PPL: variants seen among roughly 807,000 people sequenced by gnomAD.
The protein encoded by PPL is 190 kDa paraneoplastic pemphigus antigen.
PPL carries 198 observed loss-of-function variants against 194.4 expected under a neutral mutation model. The observed-to-expected ratio is 1.02, with a 90% CI of 0.91 to 1.15. PPL has a LOEUF of 1.15. Among genes scored for constraint, PPL ranks in the 50% most tolerant of loss-of-function variants. PPL has a pLI of 0.00. For synonymous variants in PPL, 1,220 were observed against 972.4 expected (o/e 1.25, Z -4.74); for missense variants, 2,885 against 2,294.8 (o/e 1.26, Z -5.25).
intron 15 of PPL, 39 bp downstream of exon 15, chr16:4,891,996 A>G (rs781313261): frequency 1.9e-6 from 3 of 1,610,248 alleles, no homozygotes; most frequent in African/African-American, 2.7e-5. Context: ...TGGCCCCCTG[A>G]CCCCACCCCA....
Position 4,883,838 on chromosome 16 carries a change from G to A in PPL, c.4817C>T (p.Thr1606Ile). Residue 1606 changes from threonine to isoleucine, a missense_variant, in exon 22 of 22, where the codon ACC (threonine) becomes ATC (isoleucine). Coordinates refer to ENST00000345988, the MANE Select transcript of PPL (RefSeq NM_002705.5). The surrounding 1 kb of genome is among the most constrained non-coding windows in gnomAD (Gnocchi z 4.8). ...GGACCACAGTCTGGAGTCATGGTTGGTCCCAGAGTCCGCCACGGTCATGTT... is the reference window on the plus strand; with the variant it reads ...GGACCACAGTCTGGAGTCATGGTTGATCCCAGAGTCCGCCACGGTCATGTT... ...LRNMTVADSG[T>I]NHDSRLWSLE... is the part of the protein sequence containing the mutation. 1 of 1,614,102 alleles carries A rather than the reference G, an allele frequency of 6.2e-7. No individual in the cohort carries two copies. The highest frequency in any genetic ancestry group is 2.2e-5 in the East Asian group (1 of 44,884).
chr16:4,914,112 CA>C (rs2088871692), intron 1 of PPL, among the ~76,000 whole-genome samples: 1 of 152,174 alleles, frequency 6.6e-6, no homozygotes, highest in Non-Finnish European at 1.5e-5. Context: ...TGTTCCTGTG[CA>C]GAAGGCTCCA....
chr16:4,894,387 A>G, intron 12 of PPL, 80 bp downstream of exon 12: 2 of 1,547,932 alleles, frequency 1.3e-6, no homozygotes, highest in South Asian at 2.4e-5. Flanking sequence ...CTGAGTCCAA[A>G]TCCCCGGGGC....
In PPL at chr16:4,887,238, G is replaced by A. The variant is rs1472621546; in HGVS notation, c.2515-11C>T. 2 of 1,603,802 alleles carry A rather than the reference G, an allele frequency of 1.2e-6. No homozygotes were observed. Among genetic ancestry groups the A allele is most frequent in the African/African-American group, 1.3e-5 (1 of 74,836 alleles). ...GGCAAGTGCTGCTTCCTGCAGAGAA[G>A]AGGATTAGGAGAGCGGTCAACAAAC... On this transcript the variant is annotated splice_polypyrimidine_tract_variant and intron_variant, in intron 20 of 21. Transcript: ENST00000345988.
At chr16:4,890,368 G>A (rs373006066) in intron 17 of PPL, 34 bp from the exon 18 acceptor site, 174 of 1,553,542 alleles carry the variant, frequency 1.1e-4, no homozygotes, top group Non-Finnish European at 1.5e-4. Context: ...CTCAGCCACA[G>A]CAAACAGATG....
chr16:4,883,464 T>G lies in PPL; in HGVS notation c.5191A>C (p.Thr1731Pro), dbSNP rs1177924388. The change falls in exon 22 of 22, where the codon ACC becomes CCC. Residue 1731 changes from threonine (T) to proline (P), a missense_variant. Thr to Pro is a conservative substitution (Grantham distance 38). Transcript: ENST00000345988. This position sits in a 1 kb window ranked among gnomAD's most constrained non-coding sequence, Gnocchi z 4.8. ...ACATAGCGGTCATACTGAGCAGGGG[T>G]CAGCCTGCCACTCTGCAGGGCCTCT... ...IEEALQSGRL[T>P]PAQYDRYVNK... The G allele has an allele frequency of 1.2e-6, 2 of 1,614,068 alleles. No homozygotes were observed. Among genetic ancestry groups the G allele is most frequent in the African/African-American group, 1.3e-5 (1 of 75,014 alleles).
At chr16:4,894,379 G>C in intron 12 of PPL, 88 bp downstream of exon 12, 5 of 1,523,726 alleles carry the variant, frequency 3.3e-6, no homozygotes, top group Non-Finnish European at 4.4e-6. Flanking sequence ...CCCACAGGCT[G>C]AGTCCAAATC....
Position 4,892,122 on chromosome 16 carries a change from C to CCA in PPL, c.1740_1741dup (p.Gly581ValfsTer7). The CCA allele has an allele frequency of 1.9e-6, 3 of 1,613,498 alleles. No individual in the cohort carries two copies. The highest frequency in any genetic ancestry group is 2.5e-6 in the Non-Finnish European group (3 of 1,179,734). On this transcript the variant is annotated frameshift_variant, in exon 15 of 22. Coordinates refer to ENST00000345988, the MANE Select transcript of PPL (RefSeq NM_002705.5). LOFTEE classifies it high-confidence loss of function. ...CCGGGTCCTCAGCAGGGGTGTGGTGCCACTGCCTGGGAGGGCCTGGATGAA... is the reference window on the plus strand; with the variant it reads ...CCGGGTCCTCAGCAGGGGTGTGGTGCCACACTGCCTGGGAGGGCCTGGATGAA...
chr16:4,908,600 T>C (rs761812140), intron 2 of PPL, among the ~76,000 whole-genome samples: 24 of 152,104 alleles, frequency 1.6e-4, no homozygotes, highest in Non-Finnish European at 2.6e-4. Flanking sequence ...TGCAGTGGTG[T>C]CATCTCTGCT....
rs776913352 is a variant in PPL, at chr16:4,883,673, A to T, written c.4982T>A (p.Ile1661Asn). The change falls in exon 22 of 22, where the codon ATC becomes AAC. Residue 1661 changes from isoleucine (I) to asparagine (N), a missense_variant. Physicochemically the swap from Ile to Asn is moderately radical, Grantham distance 149. Coordinates refer to ENST00000345988, the MANE Select transcript of PPL (RefSeq NM_002705.5). The surrounding 1 kb of genome is among the most constrained non-coding windows in gnomAD (Gnocchi z 4.8). The stretch of plus-strand genomic sequence containing the variant: ...CAGCTCGCGGCCTGTGTCAGGGTGG[A>T]TGACTACGATGGAGCGCCGCAGGTG... The part of the protein sequence containing the change: ...ENHLRRSIVV[I>N]HPDTGRELSP... 1 of 1,613,878 alleles carries T rather than the reference A, an allele frequency of 6.2e-7. No individual in the cohort carries two copies. Among genetic ancestry groups the T allele is most frequent in the African/African-American group, 1.3e-5 (1 of 74,872 alleles).
At chr16:4,899,462 G>GGCCCAACTATGGCTGGCCTGAGGACAA (rs2088506481) in intron 6 of PPL, 78 bp from the exon 7 acceptor site, 8 of 706,564 alleles carry the variant, frequency 1.1e-5, no homozygotes, top group Non-Finnish European at 1.3e-5. Context: ...CCTCCTGCAG[G>GGCCCAACTATGGCTGGCCTGAGGACAA]GCCCAGCTAT....
At chr16:4,910,757 T>G (rs1596568727) in intron 2 of PPL, 93 bp downstream of exon 2, 2 of 1,140,118 alleles carry the variant, frequency 1.8e-6, no homozygotes, top group East Asian at 2.4e-5. Context: ...CAATCACCCC[T>G]GGGTGAGAAT....
rs1461741414 is a variant in PPL at position 4,885,886 on chromosome 16, C to T, written c.2769G>A (p.Leu923=). The change falls in exon 22 of 22, where the codon TTG becomes TTA. Residue 923 remains leucine (L), a synonymous_variant. Transcript: ENST00000345988. The surrounding 1 kb of genome is among the most constrained non-coding windows in gnomAD (Gnocchi z 6.3). ...VKSTQEEIWT[L]RNQGPQESVV... ...CCGATTCCTGAGGCCCCTGATTCCT[C>T]AAGGTCCAGATTTCTTCCTGGGTGC... 2 of 1,609,918 alleles carry T rather than the reference C, an allele frequency of 1.2e-6. No individual in the cohort carries two copies. The highest frequency in any genetic ancestry group is 1.7e-5 in the Admixed American group (1 of 60,010).
intron 10 of PPL, 23 bp downstream of exon 10, chr16:4,895,571 A>C: frequency 6.2e-7 from 1 of 1,613,586 alleles, no homozygotes; most frequent in Admixed American, 1.7e-5. Flanking sequence ...CCGGGCCAGC[A>C]GGGGTCCTGG....
At chr16:4,909,688 A>C (rs1355943998) in intron 2 of PPL, among the ~76,000 whole-genome samples, 1 of 152,016 alleles carries the variant, frequency 6.6e-6, no homozygotes, top group East Asian at 1.9e-4. Context: ...CGGCCTCCCA[A>C]AGTACTGGGA....
chr16:4,893,282 C>T lies in PPL; in HGVS notation c.1581G>A (p.Gly527=). 6.2e-7 allele frequency: 1 copy of T among 1,603,044 alleles called. No individual in the cohort carries two copies. Among genetic ancestry groups the T allele is most frequent in the Non-Finnish European group, 8.5e-7 (1 of 1,177,532 alleles). Residue 527 remains glycine, a synonymous_variant, in exon 14 of 22, where the codon GGG becomes GGA. Transcript: ENST00000345988. The stretch of plus-strand genomic sequence containing the variant: ...CTTGCTCCAGTGGTGGCCGCAGGAT[C>T]CCTGTGATGGCCTTCTCCTGCCGGT... ...DLDRQEKAIT[G]ILRPPLEQGR...
At position 4,898,995 on chromosome 16, in the gene PPL, G is replaced by C. The variant is rs370650271; in HGVS notation, c.876+18C>G. 33 of 1,608,610 alleles carry C rather than the reference G, an allele frequency of 2.1e-5. No homozygotes were observed. In the East Asian group the frequency reaches 2.5e-4, roughly 12 times the overall value. On this transcript the variant is annotated intron_variant, in intron 8 of 21. Transcript: ENST00000345988. ...GAAGCCACCCTGGGGGAGGTGTCTGGTCTCGGGGTGCATGAACCTCAATGG... is the reference window on the plus strand; with the variant it reads ...GAAGCCACCCTGGGGGAGGTGTCTGCTCTCGGGGTGCATGAACCTCAATGG...
intron 1 of PPL, among the ~76,000 whole-genome samples, chr16:4,934,947 G>A (rs1316002610): frequency 3.3e-5 from 5 of 152,198 alleles, no homozygotes; most frequent in African/African-American, 1.2e-4. Flanking sequence ...CAGGGCTGTG[G>A]CTGTGCTCAT....
At chr16:4,911,030 C>A in intron 1 of PPL, 81 bp from the exon 2 acceptor site, 1 of 1,178,608 alleles carries the variant, frequency 8.5e-7, no homozygotes, top group Non-Finnish European at 1.2e-6. Flanking sequence ...CATCCTCTGG[C>A]TGGCCCCGGC....
Sources: allele counts gnomAD v4.1 joint callset (sites outside exome capture counted in the v4.1 genomes callset), GRCh38; gene constraint gnomAD v4.1.1; non-coding constraint Gnocchi (gnomAD v3.1); transcripts MANE v1.5; gene names NCBI Gene and HGNC (gene_info 2026-07-23, HGNC 2026-07-21).